The following PTPRG variants were observed in gnomAD, a reference collection of about 807,000 sequenced individuals.
PTPRG encodes receptor-type tyrosine-protein phosphatase gamma.
In PTPRG, 102 loss-of-function variants were observed where a neutral mutation model predicts 165.3. The ratio of observed to expected loss-of-function variants is 0.62; its 90% CI spans 0.53 to 0.73. PTPRG has a LOEUF of 0.73. PTPRG is among the 30% of genes least tolerant of loss of function. The pLI, the probability that PTPRG is intolerant of heterozygous loss-of-function variation, is 0.00. For synonymous variants in PTPRG, 675 were observed against 669.5 expected, an observed-to-expected ratio of 1.01 and a Z score of -0.13; for missense variants, 1,866 against 1,861.4, an observed-to-expected ratio of 1.00 and a Z score of -0.05.
intron 1 of PTPRG, among the ~76,000 whole-genome samples, chr3:61,611,715 G>A (rs932990920): frequency 4.6e-5 from 7 of 152,172 alleles, no homozygotes; most frequent in African/African-American, 7.2e-5. Context: ...TACTCACTGC[G>A]TTGTAGTGCA....
chr3:61,767,239 T>TGAAAAAAAAAG (rs1371380259), intron 2 of PTPRG, among the ~76,000 whole-genome samples: 1 of 73,098 alleles, frequency 1.4e-5, no homozygotes, highest in Non-Finnish European at 2.6e-5. Context: ...AGATTCCATC[T>TGAAAAAAAAAG]CAAAAAAAAA....
chr3:61,830,580 T>G (rs2036255701), intron 2 of PTPRG, among the ~76,000 whole-genome samples: 3 of 146,482 alleles, frequency 2.0e-5, no homozygotes, highest in Non-Finnish European at 3.0e-5. Flanking sequence ...TTTTTTTTTT[T>G]TTTTTTTTTT....
At chr3:61,664,403 G>C (rs950594559) in intron 1 of PTPRG, among the ~76,000 whole-genome samples, 15 of 152,214 alleles carry the variant, frequency 9.9e-5, no homozygotes, top group Admixed American at 3.9e-4. Context: ...CCAAGAGCAT[G>C]ACAGAATTAT....
intron 2 of PTPRG, among the ~76,000 whole-genome samples, chr3:61,854,490 G>C (rs1225063941): frequency 6.6e-6 from 1 of 152,076 alleles, no homozygotes; most frequent in African/African-American, 2.4e-5. Context: ...CATTTTGTTT[G>C]TTCTCCTAAG....
rs7634462 is a variant in PTPRG at position 62,190,087 on chromosome 3, T to C, written c.1034-1382T>C. On this transcript the variant is annotated intron_variant, in intron 8 of 29. Coordinates refer to ENST00000474889, the MANE Select transcript of PTPRG (RefSeq NM_002841.4). The surrounding 1 kb of genome is among the most constrained non-coding windows in gnomAD (Gnocchi z 5.2). Reference sequence around the variant, plus strand: ...TCCATCCTGTCCTGGCGTGCAGTGATGGCTCTGCGCATGGGATTCTTTGGT... The same window carrying C: ...TCCATCCTGTCCTGGCGTGCAGTGACGGCTCTGCGCATGGGATTCTTTGGT... Among the ~76,000 whole-genome samples the C allele has an allele frequency of 0.15, 23,562 of 152,180 alleles. 4,054 individuals carry two copies. Among genetic ancestry groups the C allele is most frequent in the African/African-American group, 0.43 (17,685 of 41,464 alleles).
intron 3 of PTPRG, among the ~76,000 whole-genome samples, chr3:61,998,545 C>T (rs2041094040): frequency 6.6e-6 from 1 of 152,196 alleles, no homozygotes; most frequent in Non-Finnish European, 1.5e-5. Flanking sequence ...AGTGGCAGAA[C>T]TAGGATTCAA....
rs1345024470 is a variant in PTPRG at position 62,254,167 on chromosome 3, A to G, written c.2468-957A>G. ...CATACAGATCTTCATACCCTTTGCT[A>G]AGAAAAGCATCTGTGGCAGTTTAGA... On this transcript the variant is annotated intron_variant, in intron 15 of 29. Coordinates refer to ENST00000474889, the MANE Select transcript of PTPRG (RefSeq NM_002841.4). This position sits in a 1 kb window ranked among gnomAD's most constrained non-coding sequence, Gnocchi z 4.6. Among the ~76,000 whole-genome samples, 1 of 152,226 alleles carries G rather than the reference A, an allele frequency of 6.6e-6. No individual in the cohort carries two copies. The highest frequency in any genetic ancestry group is 1.5e-5 in the Non-Finnish European group (1 of 68,026).
intron 10 of PTPRG, among the ~76,000 whole-genome samples, chr3:62,197,062 T>C (rs1699981859): frequency 6.6e-6 from 1 of 152,228 alleles, no homozygotes; most frequent in South Asian, 2.1e-4. Context: ...TGGCAGGCAC[T>C]GTAAGGGGTT....
chr3:61,970,637 G>A (rs544934062), intron 2 of PTPRG, among the ~76,000 whole-genome samples: 2 of 152,174 alleles, frequency 1.3e-5, no homozygotes, highest in Non-Finnish European at 2.9e-5. Flanking sequence ...TAGGTTAGTA[G>A]TGATGGCTTA....
chr3:62,049,648 A>G (rs924454040), intron 4 of PTPRG, among the ~76,000 whole-genome samples: 1 of 152,212 alleles, frequency 6.6e-6, no homozygotes, highest in African/African-American at 2.4e-5. Flanking sequence ...CATAGGTTCA[A>G]ATACCATAAT....
chr3:62,171,335 G>A (rs906334245), intron 8 of PTPRG, among the ~76,000 whole-genome samples: 1 of 152,156 alleles, frequency 6.6e-6, no homozygotes, highest in Non-Finnish European at 1.5e-5. Flanking sequence ...CTGCCAAATG[G>A]CTTCCCAAAG....
intron 4 of PTPRG, among the ~76,000 whole-genome samples, chr3:62,030,471 T>G (rs7632224): frequency 0.41 from 62,790 of 151,468 alleles, 14,428 homozygotes; most frequent in African/African-American, 0.62. Flanking sequence ...GAAAGTTTCA[T>G]TCTATGGACT....
At chr3:61,717,830 A>C (rs556461929) in intron 1 of PTPRG, among the ~76,000 whole-genome samples, 29 of 152,194 alleles carry the variant, frequency 1.9e-4, no homozygotes, top group South Asian at 1.9e-3. Flanking sequence ...TTTGTGTTTT[A>C]TTGTAGGTAT....
chr3:61,942,830 A>G (rs923888237), intron 2 of PTPRG, among the ~76,000 whole-genome samples: 6 of 152,260 alleles, frequency 3.9e-5, no homozygotes, highest in Non-Finnish European at 7.3e-5. Context: ...TATAATTTTT[A>G]TATGACTTAG....
rs552833891 is a variant in PTPRG at position 62,265,669 on chromosome 3, A to G, written c.2657-1741A>G. 9.7e-4 allele frequency among the ~76,000 whole-genome samples: 148 copies of G among 152,258 alleles called. 2 individuals carry two copies. In the Middle Eastern group the frequency reaches 0.01, roughly 10 times the overall value. On this transcript the variant is annotated intron_variant, in intron 17 of 29. Transcript: ENST00000474889. ...AAAAGCCAGGGGGAGAACAAGGAAG[A>G]AAGTCAAACCTCTCCCTAGTCTTTG...
chr3:61,852,022 A>G (rs1046864342), intron 2 of PTPRG, among the ~76,000 whole-genome samples: 3 of 152,156 alleles, frequency 2.0e-5, no homozygotes, highest in Non-Finnish European at 4.4e-5. Flanking sequence ...TTATGCAGCA[A>G]TAGATAACTA....
intron 2 of PTPRG, among the ~76,000 whole-genome samples, chr3:61,810,637 G>T (rs1050987417): frequency 7.9e-5 from 12 of 152,068 alleles, no homozygotes; most frequent in African/African-American, 2.9e-4. Flanking sequence ...CCCTACTCTT[G>T]GCCACCCAAC....
chr3:61,650,458 C>T lies in PTPRG; in HGVS notation c.85+88086C>T, dbSNP rs114093046. On this transcript the variant is annotated intron_variant, in intron 1 of 29. Coordinates refer to ENST00000474889, the MANE Select transcript of PTPRG (RefSeq NM_002841.4). ...AAAAAGAGCTCATAAGAGATTGAGT[C>T]CCGGCCAGGAGAAGGGAAACTTGGC... Among the ~76,000 whole-genome samples, 134 of 152,276 alleles carry T rather than the reference C, an allele frequency of 8.8e-4. 1 individual carries two copies. Among genetic ancestry groups the T allele is most frequent in the African/African-American group, 3.1e-3 (129 of 41,556 alleles).
intron 7 of PTPRG, among the ~76,000 whole-genome samples, chr3:62,165,196 TC>T (rs1405327068): frequency 1.3e-5 from 2 of 152,234 alleles, no homozygotes; most frequent in African/African-American, 4.8e-5. Context: ...CAATTCCACT[TC>T]CTTTAACCTT....
Sources: allele counts gnomAD v4.1 joint callset (sites outside exome capture counted in the v4.1 genomes callset), GRCh38; gene constraint gnomAD v4.1.1; non-coding constraint Gnocchi (gnomAD v3.1); transcripts MANE v1.5; gene names NCBI Gene and HGNC (gene_info 2026-07-23, HGNC 2026-07-21).